IPO5: variants seen among roughly 807,000 people sequenced by gnomAD.
IPO5 encodes the protein importin 5.
In IPO5, 18 loss-of-function variants were observed where a neutral mutation model predicts 143.3. The observed-to-expected ratio is 0.13, with a 90% confidence interval of 0.09 to 0.19. The LOEUF (loss-of-function observed/expected upper bound fraction) is 0.19. Among genes scored for constraint, IPO5 ranks in the 10% least tolerant of loss-of-function variants. IPO5 has a pLI of 1.00. For missense variants in IPO5, 1,013 were observed against 1,336.9 expected, an observed-to-expected ratio of 0.76 and a Z score of 3.78; for synonymous variants, 477 against 465.7, an observed-to-expected ratio of 1.02 and a Z score of -0.31.
rs142966322 is a variant in IPO5, at chr13:97,964,041, G to A, written c.-112-5682G>A. ...TATCTTTTGCCTACTTTTTGATGGG[G>A]TTGTTTTTTTCTTGTAAATTTGTTT... On this transcript the variant is annotated intron_variant, in intron 2 of 28. Transcript: ENST00000651721. Among the ~76,000 whole-genome samples, 1,092 of 152,142 alleles carry A rather than the reference G, an allele frequency of 7.2e-3. 16 individuals carry two copies. The highest frequency in any genetic ancestry group is 0.025 in the African/African-American group (1,026 of 41,516).
At chr13:97,979,417 T>G (rs769633317) in intron 4 of IPO5, among the ~76,000 whole-genome samples, 8 of 152,232 alleles carry the variant, frequency 5.3e-5, no homozygotes, top group Non-Finnish European at 1.0e-4. Flanking sequence ...TATTTCTATT[T>G]TTAAAAATCT....
At chr13:97,997,067 G>T (rs1175494963) in intron 11 of IPO5, among the ~76,000 whole-genome samples, 2 of 152,046 alleles carry the variant, frequency 1.3e-5, no homozygotes, top group Non-Finnish European at 2.9e-5. Flanking sequence ...TTTATATAAT[G>T]GAATGCTATT....
intron 5 of IPO5, 46 bp from the exon 6 acceptor site, chr13:97,985,368 AATACATC>A: frequency 1.4e-6 from 2 of 1,394,702 alleles, no homozygotes; most frequent in Non-Finnish European, 2.0e-6. Flanking sequence ...ACAACAGTGA[AATACATC>A]AATGGCAGAG....
chr13:98,007,928 A>C (rs559671038), intron 17 of IPO5, 131 bp from the exon 18 acceptor site: 2 of 595,920 alleles, frequency 3.4e-6, no homozygotes, highest in East Asian at 5.6e-5. Flanking sequence ...AGAATTTTTC[A>C]ATATGATAGT....
Position 98,012,283 on chromosome 13 carries a change from A to G in IPO5, c.2093A>G (p.Glu698Gly). 1 of 1,612,844 alleles carries G rather than the reference A, an allele frequency of 6.2e-7. No homozygotes were observed. Among genetic ancestry groups the G allele is most frequent in the Non-Finnish European group, 8.5e-7 (1 of 1,178,812 alleles). ...AAGGAGTTAAAGGAAGGCTTTGTGGAGTACACCGAACAGGTTGTCAAACTG... is the reference window on the plus strand; with the variant it reads ...AAGGAGTTAAAGGAAGGCTTTGTGGGGTACACCGAACAGGTTGTCAAACTG... ...YAKELKEGFV[E>G]YTEQVVKLMV... The change falls in exon 21 of 29, where the codon GAG (glutamate) becomes GGG (glycine). Residue 698 changes from glutamate (E) to glycine (G), a missense_variant. By Grantham distance (98) the Glu-to-Gly change is moderately conservative. Transcript: ENST00000651721.
intron 7 of IPO5, 103 bp downstream of exon 7, chr13:97,989,267 A>T (rs1022604754): frequency 1.7e-6 from 1 of 588,358 alleles, no homozygotes; most frequent in Non-Finnish European, 2.9e-6. Flanking sequence ...ACTTAAAATG[A>T]TAATAATGCC....
chr13:97,954,829 G>C (rs1163754638), intron 2 of IPO5, among the ~76,000 whole-genome samples: 1 of 152,142 alleles, frequency 6.6e-6, no homozygotes, highest in African/African-American at 2.4e-5. Flanking sequence ...TGTCTGTGAT[G>C]GAACCTCAAA....
At chr13:98,008,009 A>G (rs765227818) in intron 17 of IPO5, 50 bp from the exon 18 acceptor site, 1 of 1,215,538 alleles carries the variant, frequency 8.2e-7, no homozygotes, top group Non-Finnish European at 1.2e-6. Flanking sequence ...TAATTACACA[A>G]GAAACAAAAT....
At chr13:98,012,668 CTT>C (rs934789828) in intron 21 of IPO5, among the ~76,000 whole-genome samples, 11 of 151,986 alleles carry the variant, frequency 7.2e-5, no homozygotes, top group African/African-American at 2.7e-4. Flanking sequence ...GAAAATAAGA[CTT>C]TTATTTTAAG....
intron 11 of IPO5, among the ~76,000 whole-genome samples, chr13:97,996,681 C>T (rs1277627001): frequency 2.0e-5 from 3 of 152,082 alleles, no homozygotes; most frequent in South Asian, 2.1e-4. Flanking sequence ...TGGCTCACAG[C>T]GAGCTCCACC....
intron 27 of IPO5, among the ~76,000 whole-genome samples, chr13:98,020,459 T>C (rs745649445): frequency 1.3e-5 from 2 of 152,190 alleles, no homozygotes; most frequent in Non-Finnish European, 2.9e-5. Context: ...TCCTGCAGAC[T>C]ACATACTCCT....
At chr13:98,009,829 C>T (rs1359573698) in intron 18 of IPO5, 52 bp from the exon 19 acceptor site, 46 of 1,350,376 alleles carry the variant, frequency 3.4e-5, no homozygotes, top group Non-Finnish European at 4.2e-5. Context: ...CTTTCTTTAT[C>T]ACGTTTACCC....
Position 98,009,931 on chromosome 13 carries a change from A to G in IPO5, c.1851A>G (p.Lys617=). The G allele has an allele frequency of 6.2e-7, 1 of 1,613,984 alleles. No individual in the cohort carries two copies. Among genetic ancestry groups the G allele is most frequent in the Admixed American group, 1.7e-5 (1 of 60,022 alleles). ...CCAGAATGTGCAAAATCCTTGGAAA[A>G]GAATTTCAGCAATACCTTCCAGTGG... ...AWARMCKILG[K]EFQQYLPVVM... Residue 617 remains lysine (K), a synonymous_variant, in exon 19 of 29, where the codon AAA becomes AAG. Transcript: ENST00000651721.
intron 2 of IPO5, among the ~76,000 whole-genome samples, chr13:97,967,921 G>A (rs9517150): frequency 0.049 from 7,477 of 152,128 alleles, 443 homozygotes; most frequent in East Asian, 0.32. Context: ...ATGAGCCACC[G>A]CACCCGGCTC....
chr13:97,981,056 A>G (rs1318206591), intron 4 of IPO5, among the ~76,000 whole-genome samples: 1 of 152,202 alleles, frequency 6.6e-6, no homozygotes, highest in Non-Finnish European at 1.5e-5. Context: ...CAGCTTGTGA[A>G]TATCTTTACA....
intron 14 of IPO5, 29 bp downstream of exon 14, chr13:98,002,620 A>G: frequency 6.2e-7 from 1 of 1,611,204 alleles, no homozygotes; most frequent in Non-Finnish European, 8.5e-7. Flanking sequence ...TTGATTCAAA[A>G]TGATTAGTGT....
chr13:98,021,306 T>C, intron 28 of IPO5, 173 bp downstream of exon 28: 1 of 470,562 alleles, frequency 2.1e-6, no homozygotes, highest in Non-Finnish European at 3.5e-6. Flanking sequence ...CATCCGTATG[T>C]ACTTATTATT....
chr13:97,976,755 G>A lies in IPO5; in HGVS notation c.59G>A (p.Ser20Asn). 2 of 1,416,936 alleles carry A rather than the reference G, an allele frequency of 1.4e-6. No individual in the cohort carries two copies. The highest frequency in any genetic ancestry group is 1.9e-6 in the Non-Finnish European group (2 of 1,061,032). 87.8% of individuals were successfully genotyped at this position (1,416,936 alleles called of 1,614,324 possible). A position where few individuals can be genotyped will look rare whatever the true frequency, so the allele number is the denominator to read the frequency against. The change falls in exon 4 of 29, where the codon AGC (serine) becomes AAC (asparagine). Residue 20 changes from serine to asparagine, a missense_variant. By Grantham distance (46) the Ser-to-Asn change is conservative (BLOSUM62 1). Transcript: ENST00000651721. ...QFYLLLGNLL[S>N]PDNVVRKQAE... ...TACCTGCTCCTGGGAAACCTGCTCA[G>A]CCCCGACAATGTGGTCCGGAAACAG... is the stretch of plus-strand genomic sequence containing the variant.
At position 98,019,820 on chromosome 13, in the gene IPO5, AGACTGT is replaced by A; in HGVS notation, c.3065+15_3065+20del. On this transcript the variant is annotated intron_variant, in intron 27 of 28. Coordinates refer to ENST00000651721, the MANE Select transcript of IPO5 (RefSeq NM_002271.6). ...TGACCTGATTGAAAGGTAGGAAAGCAGACTGTGACCTTATTTCCTTCTCCTCCACAG... is the reference window on the plus strand; with the variant it reads ...TGACCTGATTGAAAGGTAGGAAAGCAGACCTTATTTCCTTCTCCTCCACAG... 6.4e-7 allele frequency: 1 copy of A among 1,559,050 alleles called. No homozygotes were observed. The highest frequency in any genetic ancestry group is 8.8e-7 in the Non-Finnish European group (1 of 1,130,364).
Sources: allele counts gnomAD v4.1 joint callset (sites outside exome capture counted in the v4.1 genomes callset), GRCh38; gene constraint gnomAD v4.1.1; transcripts MANE v1.5; gene names NCBI Gene and HGNC (gene_info 2026-07-23, HGNC 2026-07-21).